The following ZIM2 variants were observed in gnomAD, a reference collection of about 807,000 sequenced individuals.
The protein encoded by ZIM2 is zinc finger protein 656.
A neutral mutation model predicts 38.6 loss-of-function variants in ZIM2; 14 were observed. That is an observed-to-expected ratio of 0.36 (90% CI 0.24 to 0.57). ZIM2 has a LOEUF of 0.57. Ranked by LOEUF, ZIM2 falls within the 20% of genes least tolerant of loss-of-function variation. The pLI is 0.81. For synonymous variants in ZIM2, 247 were observed against 245.8 expected (o/e 1.00, Z -0.04); for missense variants, 680 against 695.1 (o/e 0.98, Z 0.24).
intron 7 of ZIM2, among the ~76,000 whole-genome samples, chr19:56,821,404 C>T (rs143475095): frequency 7.0e-4 from 106 of 152,280 alleles, no homozygotes; most frequent in Non-Finnish European, 1.1e-3. Context: ...ATGTGACCAA[C>T]CTACCAAGTG....
chr19:56,821,957 G>A (rs1157861152), intron 6 of ZIM2, among the ~76,000 whole-genome samples: 1 of 151,848 alleles, frequency 6.6e-6, no homozygotes, highest in Non-Finnish European at 1.5e-5. Flanking sequence ...GCAGGGCCAG[G>A]GGCCCTGCCT....
intron 9 of ZIM2, chr19:56,798,892 G>C (rs1191670850): frequency 1.3e-5 from 2 of 152,230 alleles, no homozygotes; most frequent in African/African-American, 4.8e-5. Context: ...TTAGAGAAAT[G>C]CACATGAAAA....
intron 9 of ZIM2, chr19:56,812,570 A>G (rs1369163615): frequency 3.0e-5 from 30 of 985,724 alleles, no homozygotes; most frequent in Non-Finnish European, 3.6e-5. Flanking sequence ...GATGCTGCAC[A>G]GGGGACCCAA....
At position 56,823,574 on chromosome 19, in the gene ZIM2, G is replaced by A. The variant is rs767164267; in HGVS notation, c.106+16C>T. 5.6e-6 allele frequency: 9 copies of A among 1,614,040 alleles called. No homozygotes were observed. The Admixed American group carries it at 1.5e-4, about 27-fold the overall frequency. Reference sequence around the variant, plus strand: ...CAGCGCCTGCCCATGGGTGACCAGTGGGGATGGGTACTCACCACTGAAAGA... The same window carrying A: ...CAGCGCCTGCCCATGGGTGACCAGTAGGGATGGGTACTCACCACTGAAAGA... On this transcript the variant is annotated intron_variant, in intron 5 of 12. Transcript: ENST00000629319.
intron 10 of ZIM2, among the ~76,000 whole-genome samples, chr19:56,785,987 T>C (rs2046577662): frequency 6.6e-6 from 1 of 152,106 alleles, no homozygotes; most frequent in Non-Finnish European, 1.5e-5. Flanking sequence ...GAACATTTCA[T>C]CGCCCCAAAA....
intron 10 of ZIM2, among the ~76,000 whole-genome samples, chr19:56,784,223 G>A (rs1007132921): frequency 6.6e-6 from 1 of 152,146 alleles, no homozygotes; most frequent in African/African-American, 2.4e-5. Flanking sequence ...TAAAAATTCC[G>A]TTTCTCAAAG....
At chr19:56,812,888 A>T in intron 9 of ZIM2, 2 of 985,464 alleles carry the variant, frequency 2.0e-6, no homozygotes, top group Non-Finnish European at 2.4e-6. Context: ...CAAACATAAC[A>T]TGTGGCAACC....
At position 56,823,619 on chromosome 19, in the gene ZIM2, G is replaced by A. The variant is rs747261591; in HGVS notation, c.77C>T (p.Ser26Leu). 4 of 1,614,130 alleles carry A rather than the reference G, an allele frequency of 2.5e-6. No individual in the cohort carries two copies. Among genetic ancestry groups the A allele is most frequent in the Non-Finnish European group, 3.4e-6 (4 of 1,180,022 alleles). Residue 26 changes from serine to leucine, a missense_variant, in exon 5 of 13, where the codon TCA becomes TTA. Coordinates refer to ENST00000629319, the MANE Select transcript of ZIM2 (RefSeq NM_001387356.1). ...GAAAGAATGGACTGAGTGAGGTGGT[G>A]AGGACTCTCTTCTGTTCCGGGTCAT... ...DDMTRNRRESSPPHSVHSFSG... is the reference protein window; with the variant it reads ...DDMTRNRRESLPPHSVHSFSG...
chr19:56,829,746 A>T (rs1336917602), intron 2 of ZIM2, among the ~76,000 whole-genome samples: 1 of 152,200 alleles, frequency 6.6e-6, no homozygotes, highest in Non-Finnish European at 1.5e-5. Flanking sequence ...GTGGGGCCAG[A>T]TGCTGAAATT....
intron 2 of ZIM2, among the ~76,000 whole-genome samples, chr19:56,826,689 G>A (rs1031443176): frequency 2.6e-5 from 4 of 152,100 alleles, no homozygotes; most frequent in African/African-American, 4.8e-5. Context: ...AGTCAAAAAC[G>A]CAAGACAAAG....
At chr19:56,839,508 G>A (rs956633947) in intron 1 of ZIM2, among the ~76,000 whole-genome samples, 1 of 151,146 alleles carries the variant, frequency 6.6e-6, no homozygotes, top group African/African-American at 2.4e-5. Flanking sequence ...AACCAGGGGA[G>A]CACCTGCGCA....
chr19:56,795,070 T>C (rs1207081085), intron 9 of ZIM2, among the ~76,000 whole-genome samples: 1 of 152,198 alleles, frequency 6.6e-6, no homozygotes, highest in African/African-American at 2.4e-5. Context: ...TTTTTCTTTT[T>C]TTGAGGCAGA....
At chr19:56,812,902 C>T in intron 9 of ZIM2, 1 of 985,170 alleles carries the variant, frequency 1.0e-6, no homozygotes, top group Non-Finnish European at 1.2e-6. Context: ...GGCAACCAAT[C>T]AATCTGGGTC....
At chr19:56,819,014 G>GT (rs1395401443) in intron 7 of ZIM2, among the ~76,000 whole-genome samples, 4 of 152,204 alleles carry the variant, frequency 2.6e-5, no homozygotes, top group Non-Finnish European at 5.9e-5. Flanking sequence ...GGTACAGATA[G>GT]TAAGTGCTAA....
At chr19:56,820,031 A>T (rs1601001662) in intron 7 of ZIM2, among the ~76,000 whole-genome samples, 1 of 152,212 alleles carries the variant, frequency 6.6e-6, no homozygotes, top group Admixed American at 6.5e-5. Context: ...TTCTTTTTTC[A>T]CATGAAAGAA....
intron 9 of ZIM2, among the ~76,000 whole-genome samples, chr19:56,800,652 G>A (rs1189964809): frequency 1.3e-5 from 2 of 152,116 alleles, no homozygotes; most frequent in Non-Finnish European, 2.9e-5. Context: ...TGTATTTTTG[G>A]TAAGAAAAGA....
At chr19:56,839,392 C>A (rs2062680574) in intron 1 of ZIM2, among the ~76,000 whole-genome samples, 1 of 151,760 alleles carries the variant, frequency 6.6e-6, no homozygotes, top group South Asian at 2.1e-4. Context: ...CAAACCTCAG[C>A]AGCCCCCATC....
chr19:56,837,836 C>T (rs762689611), intron 1 of ZIM2, among the ~76,000 whole-genome samples: 5 of 151,912 alleles, frequency 3.3e-5, no homozygotes, highest in Non-Finnish European at 5.9e-5. Context: ...CCCCCGCCAC[C>T]GGCCAACACA....
chr19:56,827,800 T>TCC (rs1231252339), intron 2 of ZIM2, among the ~76,000 whole-genome samples: 2 of 152,240 alleles, frequency 1.3e-5, no homozygotes, highest in East Asian at 3.9e-4. Flanking sequence ...CCAAGATAGT[T>TCC]AAGTGCAAAA....
Sources: gnomAD v4.1 joint callset for allele counts (sites outside exome capture counted in the v4.1 genomes callset) on GRCh38, gnomAD v4.1.1 for gene constraint, MANE v1.5 for transcripts, NCBI Gene and HGNC (gene_info 2026-07-23, HGNC 2026-07-21) for gene names.